The following GPHN variants were observed in gnomAD, a reference collection of about 807,000 sequenced individuals.
GPHN encodes the protein gephyrin.
Under a neutral mutation model 95.5 loss-of-function variants are expected in GPHN, and 17 were observed. That is an observed-to-expected ratio of 0.18 (90% CI 0.12 to 0.27). The LOEUF is 0.27. GPHN is among the 10% of genes least tolerant of loss of function. The probability of loss-of-function intolerance (pLI) is 1.00; values close to 1 mark genes in which losing one functional copy is unlikely to be tolerated. For synonymous variants in GPHN, 320 were observed against 322.5 expected, an observed-to-expected ratio of 0.99 and a Z score of 0.08; for missense variants, 660 against 978.1, an observed-to-expected ratio of 0.67 and a Z score of 4.34.
the GPHN span, among the ~76,000 whole-genome samples, chr14:67,696,021 C>G: frequency 2.0e-5 from 3 of 152,190 alleles, no homozygotes; most frequent in African/African-American, 4.8e-5. Flanking sequence ...CATGGTTTCT[C>G]ACACTCAGAT....
chr14:67,395,680 G>A, the GPHN span: 12,614 of 917,278 alleles, frequency 0.014, 127 homozygotes, highest in Non-Finnish European at 0.017. Flanking sequence ...CTAGGTGACA[G>A]TGACTGCCAA....
chr14:66,534,858 T>A (rs1594857467), intron 1 of GPHN, among the ~76,000 whole-genome samples: 2 of 152,294 alleles, frequency 1.3e-5, no homozygotes, highest in East Asian at 3.9e-4. Context: ...TATGGATTTA[T>A]AGGAATTCCT....
intron 17 of GPHN, among the ~76,000 whole-genome samples, chr14:67,138,701 A>G (rs774783573): frequency 1.8e-4 from 28 of 152,258 alleles, no homozygotes; most frequent in Middle Eastern, 3.4e-3. Context: ...ATCATAAAAA[A>G]GAAAGCAAAT....
In GPHN at chr14:66,586,451, G is replaced by A. The variant is rs375273667; in HGVS notation, c.64+77860G>A. Among the ~76,000 whole-genome samples, 21 of 152,244 alleles carry A rather than the reference G, an allele frequency of 1.4e-4. 1 individual carries two copies. The East Asian group carries it at 4.0e-3, about 29-fold the overall frequency. ...CATTATGATGTTAGCTGGTTATTTT[G>A]CTCGTTAGTTGATGCAGTTTCTTCC... On this transcript the variant is annotated intron_variant, in intron 1 of 22. Transcript: ENST00000478722.
At chr14:66,593,253 T>C (rs1297559564) in intron 1 of GPHN, among the ~76,000 whole-genome samples, 1 of 151,622 alleles carries the variant, frequency 6.6e-6, no homozygotes, top group African/African-American at 2.4e-5. Context: ...TATACCTATG[T>C]AACAAACCTG....
chr14:67,708,740 A>G, the GPHN span, among the ~76,000 whole-genome samples: 1 of 152,186 alleles, frequency 6.6e-6, no homozygotes, highest in Middle Eastern at 3.4e-3. Context: ...TAATTTTTAT[A>G]CCAAATAAGC....
chr14:66,902,481 A>G (rs1393901037), intron 5 of GPHN, among the ~76,000 whole-genome samples: 1 of 151,964 alleles, frequency 6.6e-6, no homozygotes, highest in East Asian at 1.9e-4. Flanking sequence ...TTTCCTTTTC[A>G]GTATGCTAGT....
intron 2 of GPHN, among the ~76,000 whole-genome samples, chr14:66,763,365 T>A (rs1405767063): frequency 6.8e-6 from 1 of 146,714 alleles, no homozygotes; most frequent in Non-Finnish European, 1.5e-5. Context: ...GCATTAGGTA[T>A]ATCTCCCAAT....
At chr14:67,564,612 C>T in the GPHN span, among the ~76,000 whole-genome samples, 1 of 151,942 alleles carries the variant, frequency 6.6e-6, no homozygotes, top group Non-Finnish European at 1.5e-5. Flanking sequence ...CATGCACCAC[C>T]ATGCCTGGCT....
chr14:67,187,000 C>T, the GPHN span, among the ~76,000 whole-genome samples: 3 of 152,078 alleles, frequency 2.0e-5, no homozygotes, highest in African/African-American at 4.8e-5. Flanking sequence ...CAGGAAACGG[C>T]TTAAAGAATG....
At chr14:67,109,022 A>G (rs2078211284) in intron 13 of GPHN, among the ~76,000 whole-genome samples, 1 of 152,150 alleles carries the variant, frequency 6.6e-6, no homozygotes, top group Non-Finnish European at 1.5e-5. Context: ...GTAGCCCACT[A>G]CACACCTAGC....
At position 66,961,896 on chromosome 14, in the gene GPHN, ATG is replaced by A. The variant is rs1218862577; in HGVS notation, c.829-3291_829-3290del. 4.2e-3 allele frequency among the ~76,000 whole-genome samples: 413 copies of A among 98,772 alleles called. 7 individuals carry two copies. The highest frequency in any genetic ancestry group is 0.014 in the African/African-American group (399 of 29,198). The allele number at this position is 98,772 out of a possible 152,430, so 64.8% of individuals were successfully genotyped here. A position where few individuals can be genotyped will look rare whatever the true frequency, so the allele number is the denominator to read the frequency against. ...CTATAACCAACCATTCTATCCCTGA[ATG>A]TGTATATATATATATATATATATAT... On this transcript the variant is annotated intron_variant, in intron 8 of 22. Coordinates refer to ENST00000478722, the MANE Select transcript of GPHN (RefSeq NM_020806.5).
the GPHN span, chr14:67,203,105 AG>A: frequency 1.2e-6 from 2 of 1,612,696 alleles, no homozygotes; most frequent in Non-Finnish European, 1.7e-6. Flanking sequence ...TCAACAGAAG[AG>A]GTGAATCCAT....
At chr14:66,806,042 G>A (rs1002796755) in intron 3 of GPHN, among the ~76,000 whole-genome samples, 12 of 152,292 alleles carry the variant, frequency 7.9e-5, no homozygotes, top group African/African-American at 2.6e-4. Context: ...TTCTGCCTGG[G>A]CATCCAGGCG....
chr14:67,474,027 G>T, the GPHN span: 1 of 1,393,434 alleles, frequency 7.2e-7, no homozygotes, highest in Non-Finnish European at 9.5e-7. Flanking sequence ...CCGAGGCGGC[G>T]GATCACTTGA....
intron 1 of GPHN, among the ~76,000 whole-genome samples, chr14:66,615,663 G>A (rs1030975414): frequency 6.7e-6 from 1 of 150,346 alleles, no homozygotes; most frequent in Non-Finnish European, 1.5e-5. Context: ...CCATTCTGTA[G>A]GTTGCCTATT....
the GPHN span, among the ~76,000 whole-genome samples, chr14:67,713,418 AAAAAAAG>A: frequency 2.6e-5 from 4 of 151,374 alleles, no homozygotes; most frequent in Non-Finnish European, 4.4e-5. Flanking sequence ...AAAAAAAAAA[AAAAAAAG>A]AGGGGATGTA....
At chr14:66,785,722 C>G (rs1176471529) in intron 3 of GPHN, among the ~76,000 whole-genome samples, 1 of 124,162 alleles carries the variant, frequency 8.1e-6, no homozygotes, top group African/African-American at 3.0e-5. Context: ...AAAAAAAAAC[C>G]AAAAAACAAA....
chr14:67,580,658 AT>A, the GPHN span, among the ~76,000 whole-genome samples: 2 of 152,190 alleles, frequency 1.3e-5, no homozygotes, highest in Non-Finnish European at 2.9e-5. Flanking sequence ...TTCGAAGGCC[AT>A]GGGGCTGCCT....
Sources: allele counts gnomAD v4.1 joint callset (sites outside exome capture counted in the v4.1 genomes callset), GRCh38; gene constraint gnomAD v4.1.1; transcripts MANE v1.5; gene names NCBI Gene and HGNC (gene_info 2026-07-23, HGNC 2026-07-21).